The following GOLGA4 variants were observed in gnomAD, a reference collection of about 807,000 sequenced individuals.
The protein encoded by GOLGA4 is golgin subfamily A member 4.
A neutral mutation model predicts 265.9 loss-of-function variants in GOLGA4; 169 were observed. The ratio of observed to expected loss-of-function variants is 0.64; its 90% CI spans 0.56 to 0.72. GOLGA4 has a LOEUF of 0.72. Among genes scored for constraint, GOLGA4 ranks in the 30% least tolerant of loss-of-function variants. The probability of loss-of-function intolerance (pLI) is 0.00; values close to 1 mark genes in which losing one functional copy is unlikely to be tolerated. For synonymous variants in GOLGA4, 923 were observed against 855.8 expected (o/e 1.08, Z -1.37); for missense variants, 2,482 against 2,483.4 (o/e 1.00, Z 0.01).
chr3:37,265,872 A>C (rs1369544407), intron 2 of GOLGA4, among the ~76,000 whole-genome samples: 1 of 151,948 alleles, frequency 6.6e-6, no homozygotes, highest in Non-Finnish European at 1.5e-5. Flanking sequence ...CCCCGTCTCT[A>C]CAAAAATTAG....
intron 2 of GOLGA4, among the ~76,000 whole-genome samples, chr3:37,260,619 CAA>C (rs2096767129): frequency 7.0e-6 from 1 of 143,356 alleles, no homozygotes. Context: ...GCCTGGGCAA[CAA>C]GAGTGAAACT....
At chr3:37,287,900 C>T (rs972839754) in intron 4 of GOLGA4, among the ~76,000 whole-genome samples, 2 of 152,028 alleles carry the variant, frequency 1.3e-5, no homozygotes, top group South Asian at 2.1e-4. Context: ...CTTGTTAGTC[C>T]ACACAAACCA....
intron 20 of GOLGA4, among the ~76,000 whole-genome samples, chr3:37,343,076 G>A (rs1046881699): frequency 4.6e-5 from 7 of 151,864 alleles, no homozygotes; most frequent in African/African-American, 1.7e-4. Context: ...GTATTTTTGG[G>A]AGAGATGGGG....
intron 17 of GOLGA4, among the ~76,000 whole-genome samples, chr3:37,335,748 CT>C (rs75959188): frequency 0.023 from 3,103 of 136,306 alleles, 70 homozygotes; most frequent in African/African-American, 0.074. Flanking sequence ...AAGATCTAAG[CT>C]TTTTTTTTTT....
chr3:37,255,359 C>T lies in GOLGA4; in HGVS notation c.162+3875C>T, dbSNP rs538653691. Among the ~76,000 whole-genome samples the T allele has an allele frequency of 2.0e-5, 3 of 152,096 alleles. No individual in the cohort carries two copies. In the East Asian group the frequency reaches 5.8e-4, roughly 29 times the overall value. On this transcript the variant is annotated intron_variant, in intron 2 of 23. Coordinates refer to ENST00000361924, the MANE Select transcript of GOLGA4 (RefSeq NM_002078.5). ...TATATTTTTAGTAGAGACAGAGTTT[C>T]ACCATGTTGGCCAGGCTGGTCTTGA...
intron 17 of GOLGA4, 47 bp downstream of exon 17, chr3:37,335,213 C>T (rs1437782655): frequency 4.1e-6 from 4 of 983,990 alleles, no homozygotes; most frequent in African/African-American, 1.6e-5. Flanking sequence ...AAAACATTGT[C>T]ATTTCTGTGA....
At position 37,328,969 on chromosome 3, in the gene GOLGA4, C is replaced by T. The variant is rs780863441; in HGVS notation, c.6068C>T (p.Ala2023Val). 36 of 1,599,644 alleles carry T rather than the reference C, an allele frequency of 2.3e-5. No homozygotes were observed. The highest frequency in any genetic ancestry group is 3.0e-5 in the Non-Finnish European group (35 of 1,174,774). ...EMTIKETINK[A>V]QEVEAELLES... is the part of the protein sequence containing the mutation. ...GTTCATTTTTATTTATTAGATAAGG[C>T]CCAGGAGGTGGAGGCTGAACTTTTA... Residue 2023 changes from alanine to valine, a missense_variant, in exon 16 of 24, where the codon GCC (alanine) becomes GTC (valine). Ala to Val is a moderately conservative substitution (Grantham distance 64). Coordinates refer to ENST00000361924, the MANE Select transcript of GOLGA4 (RefSeq NM_002078.5).
intron 4 of GOLGA4, 125 bp downstream of exon 4, chr3:37,286,186 G>T (rs1358824285): frequency 2.1e-6 from 1 of 482,924 alleles, no homozygotes; most frequent in Non-Finnish European, 3.4e-6. Flanking sequence ...TCGCTCTGTC[G>T]CCCAGGCTGG....
rs148910546 is a variant in GOLGA4, at chr3:37,327,395, G to A, written c.5509G>A (p.Asp1837Asn). Residue 1837 changes from aspartate (D) to asparagine (N), a missense_variant, in exon 14 of 24, where the codon GAC (aspartate) becomes AAC (asparagine). Physicochemically the swap from Asp to Asn is conservative, Grantham distance 23 (BLOSUM62 1). Coordinates refer to ENST00000361924, the MANE Select transcript of GOLGA4 (RefSeq NM_002078.5). ...GCAAAACTTGGAAAATGTGTTTGAC[G>A]ACGTCCAGAAAACCCTCCAGGAGAA... Reference protein sequence around the residue: ...AKQNLENVFDDVQKTLQEKEL... With the variant: ...AKQNLENVFDNVQKTLQEKEL... 8.7e-6 allele frequency: 14 copies of A among 1,613,700 alleles called. No homozygotes were observed. Among genetic ancestry groups the A allele is most frequent in the Middle Eastern group, 1.6e-4 (1 of 6,082 alleles).
intron 23 of GOLGA4, among the ~76,000 whole-genome samples, chr3:37,362,228 TA>T (rs1559479448): frequency 1.8e-4 from 14 of 77,372 alleles, no homozygotes; most frequent in South Asian, 4.9e-4. Context: ...TTTATTTATT[TA>T]TTTATTTATT....
At chr3:37,340,519 A>G (rs564554629) in intron 20 of GOLGA4, among the ~76,000 whole-genome samples, 1 of 152,312 alleles carries the variant, frequency 6.6e-6, no homozygotes, top group East Asian at 1.9e-4. Flanking sequence ...GAATAATACA[A>G]TACATTAACT....
rs576746804 is a variant in GOLGA4 at position 37,342,116 on chromosome 3, G to A, written c.6472+1917G>A. Among the ~76,000 whole-genome samples the A allele has an allele frequency of 3.9e-4, 60 of 152,244 alleles. No individual in the cohort carries two copies. In the South Asian group the frequency reaches 0.012, roughly 29 times the overall value. On this transcript the variant is annotated intron_variant, in intron 20 of 23. Coordinates refer to ENST00000361924, the MANE Select transcript of GOLGA4 (RefSeq NM_002078.5). ...CCAGCACTTTGGGAGGCCAAAGTGG[G>A]TGGATCACTTGAGGCCGGGAGTTTG...
chr3:37,272,701 C>G lies in GOLGA4; in HGVS notation c.163-9257C>G, dbSNP rs979331095. On this transcript the variant is annotated intron_variant, in intron 2 of 23. Coordinates refer to ENST00000361924, the MANE Select transcript of GOLGA4 (RefSeq NM_002078.5). ...AGAATAAGTTAGGTCAGATATTTGC[C>G]TTTCCTTGGTCAGCTCTAGACCAAG... Among the ~76,000 whole-genome samples the G allele has an allele frequency of 3.3e-5, 5 of 152,204 alleles. No individual in the cohort carries two copies. In the East Asian group the frequency reaches 9.6e-4, roughly 29 times the overall value.
At chr3:37,248,574 T>G (rs1184991861) in intron 1 of GOLGA4, among the ~76,000 whole-genome samples, 1 of 152,222 alleles carries the variant, frequency 6.6e-6, no homozygotes, top group Non-Finnish European at 1.5e-5. Context: ...TATACTCACA[T>G]CCATTTTCTC....
chr3:37,270,977 A>G (rs1190151391), intron 2 of GOLGA4, among the ~76,000 whole-genome samples: 1 of 151,944 alleles, frequency 6.6e-6, no homozygotes, highest in African/African-American at 2.4e-5. Flanking sequence ...AGACAGTGAC[A>G]GATCATCAGG....
In GOLGA4 at chr3:37,340,677, A is replaced by C. The variant is rs112023751; in HGVS notation, c.6472+478A>C. Among the ~76,000 whole-genome samples, 447 of 152,266 alleles carry C rather than the reference A, an allele frequency of 2.9e-3. 5 individuals carry two copies. The highest frequency in any genetic ancestry group is 9.9e-3 in the African/African-American group (410 of 41,542). ...GCTTGAGTTCAGCTTTTTAGATTCC[A>C]CATGTAAGTGAGATTATGTGGTATT... On this transcript the variant is annotated intron_variant, in intron 20 of 23. Transcript: ENST00000361924.
intron 10 of GOLGA4, among the ~76,000 whole-genome samples, chr3:37,307,545 T>C (rs1245671423): frequency 6.6e-6 from 1 of 152,130 alleles, no homozygotes; most frequent in Non-Finnish European, 1.5e-5. Context: ...AAGCCTTGTA[T>C]GAACAGGACT....
In GOLGA4 at chr3:37,275,215, CAAAAAAAAAAAAAAAA is replaced by C. The variant is rs749758741; in HGVS notation, c.163-6732_163-6717del. The stretch of plus-strand genomic sequence containing the variant: ...TGGGCGACAGAGCGAGACTCCGTCT[CAAAAAAAAAAAAAAAA>C]AAAAAAAAAAGAAAAAAAAAACCCC... On this transcript the variant is annotated intron_variant, in intron 2 of 23. Transcript: ENST00000361924. Among the ~76,000 whole-genome samples, 321 of 45,000 alleles carry C rather than the reference CAAAAAAAAAAAAAAAA, an allele frequency of 7.1e-3. 2 individuals are homozygous for C. The highest frequency in any genetic ancestry group is 0.027 in the African/African-American group (305 of 11,340). 29.5% of individuals were successfully genotyped at this position (45,000 alleles called of 152,430 possible). A position where few individuals can be genotyped will look rare whatever the true frequency, so the allele number is the denominator to read the frequency against.
At chr3:37,351,183 G>C (rs1237488592) in intron 21 of GOLGA4, among the ~76,000 whole-genome samples, 1 of 152,092 alleles carries the variant, frequency 6.6e-6, no homozygotes, top group Non-Finnish European at 1.5e-5. Flanking sequence ...AATGTTCACA[G>C]CATCTTCACC....
Sources: gnomAD v4.1 joint callset for allele counts (sites outside exome capture counted in the v4.1 genomes callset) on GRCh38, gnomAD v4.1.1 for gene constraint, MANE v1.5 for transcripts, NCBI Gene and HGNC (gene_info 2026-07-23, HGNC 2026-07-21) for gene names.